Variants in HAO1 observed in about 807,000 individuals in gnomAD.
HAO1 encodes 2-Hydroxyacid oxidase 1.
A neutral mutation model predicts 39.7 loss-of-function variants in HAO1; 34 were observed. The observed-to-expected ratio is 0.86, with a 90% CI of 0.65 to 1.14. The LOEUF (loss-of-function observed/expected upper bound fraction) is 1.14. HAO1 is among the 50% of genes most tolerant of loss of function. The pLI, the probability that HAO1 is intolerant of heterozygous loss-of-function variation, is 0.00. For synonymous variants in HAO1, 172 were observed against 173.2 expected, an observed-to-expected ratio of 0.99 and a Z score of 0.05; for missense variants, 479 against 464.5, an observed-to-expected ratio of 1.03 and a Z score of -0.29.
intron 2 of HAO1, among the ~76,000 whole-genome samples, chr20:7,923,625 A>G (rs977156088): frequency 6.6e-6 from 1 of 152,156 alleles, no homozygotes; most frequent in Non-Finnish European, 1.5e-5. Flanking sequence ...TAATAGTGTC[A>G]TGTGTGAAGA....
intron 4 of HAO1, among the ~76,000 whole-genome samples, chr20:7,897,029 G>A (rs1005323156): frequency 3.3e-5 from 5 of 152,132 alleles, no homozygotes; most frequent in African/African-American, 9.7e-5. Context: ...AAGGATCCAA[G>A]GGAGGTAAAC....
At chr20:7,926,720 T>C (rs2122791327) in intron 2 of HAO1, among the ~76,000 whole-genome samples, 1 of 152,178 alleles carries the variant, frequency 6.6e-6, no homozygotes, top group East Asian at 1.9e-4. Context: ...GGTCAAGTCA[T>C]AGCTGAGTCC....
chr20:7,935,744 G>A (rs189517817), intron 1 of HAO1, among the ~76,000 whole-genome samples: 15 of 152,252 alleles, frequency 9.9e-5, no homozygotes, highest in African/African-American at 3.4e-4. Context: ...AAAATTTACA[G>A]AAGAACTAGT....
intron 5 of HAO1, among the ~76,000 whole-genome samples, chr20:7,890,692 T>C (rs1414380437): frequency 1.3e-5 from 2 of 152,164 alleles, no homozygotes. Context: ...TTTTATCCCT[T>C]GCCACCCCCT....
chr20:7,919,291 G>T (rs2050320622), intron 2 of HAO1, among the ~76,000 whole-genome samples: 1 of 152,116 alleles, frequency 6.6e-6, no homozygotes, highest in African/African-American at 2.4e-5. Context: ...TTGTCCTTAA[G>T]ACATATCTTC....
chr20:7,902,601 G>A (rs1456662342), intron 4 of HAO1, among the ~76,000 whole-genome samples: 1 of 152,138 alleles, frequency 6.6e-6, no homozygotes, highest in Non-Finnish European at 1.5e-5. Context: ...GTCCAGAACT[G>A]AATCCACAAT....
intron 4 of HAO1, among the ~76,000 whole-genome samples, chr20:7,895,577 T>C (rs1267739898): frequency 6.7e-6 from 1 of 149,646 alleles, no homozygotes; most frequent in African/African-American, 2.5e-5. Context: ...AAATTATTCC[T>C]CAACAATTTG....
intron 3 of HAO1, among the ~76,000 whole-genome samples, chr20:7,912,645 T>G (rs1196354619): frequency 6.6e-6 from 1 of 152,128 alleles, no homozygotes; most frequent in African/African-American, 2.4e-5. Context: ...TTGGGGGAAT[T>G]TGAATCCATC....
intron 2 of HAO1, among the ~76,000 whole-genome samples, chr20:7,930,431 CT>C (rs1371648772): frequency 1.3e-5 from 2 of 152,094 alleles, no homozygotes; most frequent in Non-Finnish European, 2.9e-5. Context: ...TATTCTTACA[CT>C]GTTACTTAAA....
At position 7,883,379 on chromosome 20, in the gene HAO1, A is replaced by G. The variant is rs1262380747; in HGVS notation, c.*214T>C. On this transcript the variant is annotated 3_prime_UTR_variant, in exon 8 of 8. Coordinates refer to ENST00000378789, the MANE Select transcript of HAO1 (RefSeq NM_017545.3). ...TTTTAACAGTTAATATATTTCCAGG[A>G]TGAAAGTCCATTTCTTTCTAAAAGG... The G allele has an allele frequency of 3.6e-6, 2 of 552,520 alleles. No individual in the cohort carries two copies. The highest frequency in any genetic ancestry group is 6.5e-6 in the Non-Finnish European group (2 of 308,684). The allele number at this position is 552,520 out of a possible 1,614,324, so 34.2% of individuals were successfully genotyped here.
At chr20:7,930,146 C>G (rs1163199334) in intron 2 of HAO1, among the ~76,000 whole-genome samples, 1 of 152,088 alleles carries the variant, frequency 6.6e-6, no homozygotes, top group Non-Finnish European at 1.5e-5. Flanking sequence ...AGATTGATAA[C>G]TAACCCGTTT....
At chr20:7,896,492 G>C (rs1390799524) in intron 4 of HAO1, among the ~76,000 whole-genome samples, 1 of 150,772 alleles carries the variant, frequency 6.6e-6, no homozygotes, top group African/African-American at 2.5e-5. Context: ...TCCAAACTTT[G>C]TTTTATACAA....
intron 3 of HAO1, among the ~76,000 whole-genome samples, chr20:7,911,136 G>A (rs1485447461): frequency 1.3e-5 from 2 of 152,208 alleles, no homozygotes; most frequent in African/African-American, 4.8e-5. Context: ...GGGTGAGGAT[G>A]TGAGTGCTAC....
chr20:7,932,220 C>T (rs528043605), intron 2 of HAO1, among the ~76,000 whole-genome samples: 11 of 152,302 alleles, frequency 7.2e-5, no homozygotes, highest in African/African-American at 2.6e-4. Context: ...GAGGCCTCCC[C>T]AGCCATGTAG....
chr20:7,924,667 C>G (rs1191145906), intron 2 of HAO1, among the ~76,000 whole-genome samples: 1 of 151,988 alleles, frequency 6.6e-6, no homozygotes, highest in Non-Finnish European at 1.5e-5. Context: ...TTAATTTAGA[C>G]CCAAATAATT....
chr20:7,915,640 G>A (rs1258002334), intron 2 of HAO1, among the ~76,000 whole-genome samples: 3 of 152,166 alleles, frequency 2.0e-5, no homozygotes, highest in South Asian at 2.1e-4. Flanking sequence ...TATCTATCGA[G>A]AGAGAAAAAG....
intron 1 of HAO1, among the ~76,000 whole-genome samples, chr20:7,936,548 T>TGTGTTCG (rs1555775557): frequency 7.9e-5 from 4 of 50,722 alleles, no homozygotes; most frequent in African/African-American, 2.3e-4. Context: ...GTGTGTGTGT[T>TGTGTTCG]CGCGCGCGCG....
intron 5 of HAO1, among the ~76,000 whole-genome samples, chr20:7,892,529 T>C (rs1016856790): frequency 3.3e-5 from 5 of 152,206 alleles, no homozygotes; most frequent in Admixed American, 6.6e-5. Flanking sequence ...TGTCACTAAA[T>C]CAACCTGCTA....
At chr20:7,928,741 C>T (rs189043768) in intron 2 of HAO1, among the ~76,000 whole-genome samples, 4 of 152,192 alleles carry the variant, frequency 2.6e-5, no homozygotes, top group African/African-American at 7.2e-5. Flanking sequence ...AACTAGTTCT[C>T]GGTAAATTTC....
Sources: allele counts gnomAD v4.1 joint callset (sites outside exome capture counted in the v4.1 genomes callset), GRCh38; gene constraint gnomAD v4.1.1; transcripts MANE v1.5; gene names NCBI Gene and HGNC (gene_info 2026-07-23, HGNC 2026-07-21).